DMD: variants seen among roughly 807,000 people sequenced by gnomAD.
The protein encoded by DMD is mutant dystrophin.
In DMD, 63 loss-of-function variants were observed where a neutral mutation model predicts 330.1. That is an observed-to-expected ratio of 0.19 (90% CI 0.16 to 0.24). DMD has a LOEUF of 0.24. Ranked by LOEUF, DMD falls within the 10% of genes least tolerant of loss-of-function variation. The pLI, the probability that DMD is intolerant of heterozygous loss-of-function variation, is 1.00. For missense variants in DMD, 3,344 were observed against 2,684.1 expected, an observed-to-expected ratio of 1.25 and a Z score of -5.43; for synonymous variants, 1,223 against 959.8, an observed-to-expected ratio of 1.27 and a Z score of -5.07.
At chrX:31,284,596 CTTCTTCTTCTT>C (rs1477560316) in intron 62 of DMD, among the ~76,000 whole-genome samples, 6 of 81,950 alleles carry the variant, frequency 7.3e-5, no homozygotes, top group Middle Eastern at 5.3e-3. Context: ...TCTTCTTCTT[CTTCTTCTTCTT>C]TTTTTTGGCA....
Position 32,564,895 on chromosome X carries a change from G to C in DMD, c.1992+807C>G, listed in dbSNP as rs150174438. Among the ~76,000 whole-genome samples, 442 of 111,734 alleles carry C rather than the reference G, an allele frequency of 4.0e-3. 1 individual carries two copies. The highest frequency in any genetic ancestry group is 0.013 in the African/African-American group (414 of 30,823). ...CTATTGAATATGGAAGTGTATGCCT[G>C]TGCATTGAGCTATGAATTTTGAGTA... is the stretch of plus-strand genomic sequence containing the variant. On this transcript the variant is annotated intron_variant, in intron 16 of 78. Coordinates refer to ENST00000357033, the MANE Select transcript of DMD (RefSeq NM_004006.3).
chrX:32,583,268 G>A (rs1399276504), intron 13 of DMD, among the ~76,000 whole-genome samples: 1 of 111,730 alleles, frequency 9.0e-6, no homozygotes, highest in South Asian at 3.8e-4. Context: ...GGCCGAGGCT[G>A]GCAGATCACC....
intron 1 of DMD, among the ~76,000 whole-genome samples, chrX:33,279,722 T>C (rs773394897): frequency 9.0e-6 from 1 of 111,464 alleles, no homozygotes; most frequent in Non-Finnish European, 1.9e-5. Flanking sequence ...TGCCAGCATC[T>C]GGTGTCTATT....
chrX:33,059,386 T>TTCTC (rs113185861), intron 1 of DMD, among the ~76,000 whole-genome samples: 89 of 106,187 alleles, frequency 8.4e-4, no homozygotes, highest in Middle Eastern at 0.01. Context: ...CTCACTTTCT[T>TTCTC]TCTCTCTCTC....
At chrX:31,838,925 TTAA>T (rs1308874413) in intron 48 of DMD, among the ~76,000 whole-genome samples, 1 of 111,905 alleles carries the variant, frequency 8.9e-6, no homozygotes, top group African/African-American at 3.2e-5. Flanking sequence ...TTACAACAAC[TTAA>T]TAACATATCC....
chrX:32,924,679 T>G (rs1244435674), intron 2 of DMD, among the ~76,000 whole-genome samples: 20 of 112,120 alleles, frequency 1.8e-4, no homozygotes, highest in Non-Finnish European at 5.6e-5. Context: ...ACACTGATTT[T>G]CTCCTCTGAA....
At chrX:31,319,617 T>A (rs189374763) in intron 62 of DMD, among the ~76,000 whole-genome samples, 1 of 112,635 alleles carries the variant, frequency 8.9e-6, no homozygotes, top group Non-Finnish European at 1.9e-5. Context: ...AGGTAAAATG[T>A]ACTAGGTTAC....
intron 13 of DMD, among the ~76,000 whole-genome samples, chrX:32,594,023 T>C (rs1023038709): frequency 1.8e-5 from 2 of 112,592 alleles, no homozygotes; most frequent in African/African-American, 3.2e-5. Flanking sequence ...TCAGAAACTC[T>C]AAGCATATAT....
chrX:32,239,187 T>G (rs60096434), intron 43 of DMD, among the ~76,000 whole-genome samples: 1 of 110,647 alleles, frequency 9.0e-6, no homozygotes, highest in African/African-American at 3.3e-5. Context: ...AAACGTCCTC[T>G]GCAGGACAAA....
chrX:31,970,340 T>C (rs755500512), intron 44 of DMD, among the ~76,000 whole-genome samples: 17 of 110,801 alleles, frequency 1.5e-4, no homozygotes, highest in Admixed American at 8.7e-4. Context: ...TTAGTATTAA[T>C]ACCCATTACT....
At chrX:32,541,321 A>T (rs1400437717) in intron 17 of DMD, among the ~76,000 whole-genome samples, 1 of 109,984 alleles carries the variant, frequency 9.1e-6, no homozygotes, top group Non-Finnish European at 1.9e-5. Flanking sequence ...CATCACTTCT[A>T]CTCCTCCTAC....
rs752047694 is a variant in DMD, at chrX:31,166,332, A to C, written c.10553+3111T>G. On this transcript the variant is annotated intron_variant, in intron 74 of 78. Coordinates refer to ENST00000357033, the MANE Select transcript of DMD (RefSeq NM_004006.3). ...GTCATGAATAAGAACAATTAATGGA[A>C]TTTAATAAATATCTAGTCAGGAATG... 3.6e-5 allele frequency among the ~76,000 whole-genome samples: 4 copies of C among 111,364 alleles called. No individual in the cohort carries two copies. The South Asian group carries it at 1.5e-3, about 43-fold the overall frequency.
intron 43 of DMD, among the ~76,000 whole-genome samples, 182 bp downstream of exon 43, chrX:32,287,347 G>A (rs1429030493): frequency 9.0e-6 from 1 of 111,650 alleles, no homozygotes; most frequent in African/African-American, 3.3e-5. Flanking sequence ...AATTTCTACA[G>A]TTCAGCTCAT....
intron 34 of DMD, among the ~76,000 whole-genome samples, chrX:32,378,329 G>A (rs1372910234): frequency 9.2e-6 from 1 of 108,528 alleles, no homozygotes; most frequent in Non-Finnish European, 1.9e-5. Flanking sequence ...CCTTTTCCTA[G>A]TTTTCCAATT....
chrX:32,686,567 AAAAAAAAAAAAAAAAG>A (rs1250123564), intron 9 of DMD, among the ~76,000 whole-genome samples: 118 of 106,565 alleles, frequency 1.1e-3, no homozygotes, highest in African/African-American at 3.6e-3. Flanking sequence ...CTCAAAAAAA[AAAAAAAAAAAAAAAAG>A]AAAAGAAAAG....
chrX:31,684,469 T>A (rs757616081), intron 52 of DMD, among the ~76,000 whole-genome samples: 57 of 111,947 alleles, frequency 5.1e-4, no homozygotes, highest in African/African-American at 1.7e-3. Flanking sequence ...ACAATAGACC[T>A]CTCTTTGCTC....
chrX:32,170,136 C>G (rs1228300580), intron 44 of DMD, among the ~76,000 whole-genome samples: 3 of 110,330 alleles, frequency 2.7e-5, no homozygotes, highest in Non-Finnish European at 5.7e-5. Context: ...TCCACCACAC[C>G]TGTTACTTTT....
intron 13 of DMD, among the ~76,000 whole-genome samples, chrX:32,590,760 G>A (rs777611472): frequency 3.6e-5 from 4 of 111,242 alleles, no homozygotes; most frequent in Non-Finnish European, 7.5e-5. Context: ...GAGCTGCACT[G>A]TCAGCTTCTC....
intron 43 of DMD, among the ~76,000 whole-genome samples, chrX:32,258,255 G>C (rs1364649464): frequency 3.6e-5 from 4 of 111,782 alleles, no homozygotes; most frequent in African/African-American, 3.3e-5. Flanking sequence ...AGACAGTGTG[G>C]CGATTCCTCA....
Sources: gnomAD v4.1 joint callset for allele counts (sites outside exome capture counted in the v4.1 genomes callset) on GRCh38, gnomAD v4.1.1 for gene constraint, MANE v1.5 for transcripts, NCBI Gene and HGNC (gene_info 2026-07-23, HGNC 2026-07-21) for gene names.